The following TMEM132C variants were observed in gnomAD, a reference collection of about 807,000 sequenced individuals.
TMEM132C encodes the protein transmembrane protein 132C.
In TMEM132C, 29 loss-of-function variants were observed where a neutral mutation model predicts 61.4. That is an observed-to-expected ratio of 0.47 (90% CI 0.35 to 0.64). The LOEUF is 0.64. Among genes scored for constraint, TMEM132C ranks in the 30% least tolerant of loss-of-function variants. TMEM132C has a pLI of 0.00. For missense variants in TMEM132C, 1,408 were observed against 1,476.9 expected, an observed-to-expected ratio of 0.95 and a Z score of 0.76; for synonymous variants, 656 against 633.1, an observed-to-expected ratio of 1.04 and a Z score of -0.54.
At chr12:128,656,058 G>A (rs553660228) in intron 4 of TMEM132C, among the ~76,000 whole-genome samples, 24 of 152,146 alleles carry the variant, frequency 1.6e-4, no homozygotes, top group Non-Finnish European at 2.9e-4. Flanking sequence ...TTGTTTGTTT[G>A]TTTGTTTTTT....
At chr12:128,652,013 A>G (rs760999735) in intron 4 of TMEM132C, among the ~76,000 whole-genome samples, 19 of 152,148 alleles carry the variant, frequency 1.2e-4, no homozygotes, top group Admixed American at 3.9e-4. Flanking sequence ...CCATGTGACT[A>G]ATGCAGTTAG....
At chr12:128,576,078 A>C (rs1440099993) in intron 3 of TMEM132C, among the ~76,000 whole-genome samples, 9 of 152,038 alleles carry the variant, frequency 5.9e-5, no homozygotes, top group Non-Finnish European at 5.9e-5. Context: ...AACATGGTGA[A>C]CCCTCCTCTC....
chr12:128,545,885 G>A (rs1873934037), intron 3 of TMEM132C, among the ~76,000 whole-genome samples: 4 of 152,156 alleles, frequency 2.6e-5, no homozygotes, highest in Middle Eastern at 6.8e-3. Flanking sequence ...CTTGTATTCT[G>A]CCAGTGTATT....
chr12:128,340,801 T>TTCTTTC (rs1281917557), intron 1 of TMEM132C, among the ~76,000 whole-genome samples: 2 of 128,540 alleles, frequency 1.6e-5, no homozygotes, highest in African/African-American at 7.7e-5. Context: ...CTCTCTCTCT[T>TTCTTTC]TCTTTCTTTC....
At chr12:128,523,479 G>GA in intron 2 of TMEM132C, among the ~76,000 whole-genome samples, 1 of 152,168 alleles carries the variant, frequency 6.6e-6, no homozygotes, top group Non-Finnish European at 1.5e-5. Flanking sequence ...TCTTTGAGCT[G>GA]AAAAAATCTG....
intron 1 of TMEM132C, among the ~76,000 whole-genome samples, chr12:128,406,873 T>C (rs777211154): frequency 2.0e-5 from 3 of 152,240 alleles, no homozygotes; most frequent in Non-Finnish European, 4.4e-5. Flanking sequence ...CAGCCAGGCA[T>C]GAGTTTCAGC....
At chr12:128,487,450 C>A (rs1871537483) in intron 2 of TMEM132C, among the ~76,000 whole-genome samples, 1 of 128,536 alleles carries the variant, frequency 7.8e-6, no homozygotes, top group Admixed American at 8.9e-5. Flanking sequence ...TCAGTATAGT[C>A]TTTTATACAT....
chr12:128,433,064 C>T (rs2047550624), intron 2 of TMEM132C, among the ~76,000 whole-genome samples: 1 of 151,834 alleles, frequency 6.6e-6, no homozygotes, highest in Admixed American at 6.6e-5. Flanking sequence ...TTGTTAAAAG[C>T]TCAGTTGATC....
rs181023688 is a variant in TMEM132C at position 128,392,367 on chromosome 12, G to T, written c.86-22365G>T. ...TCAACTGCCTGCCTGGTTTGAAAGA[G>T]CTTATATTCCAGTTTCTCAAATAAC... On this transcript the variant is annotated intron_variant, in intron 1 of 8. Transcript: ENST00000435159. Among the ~76,000 whole-genome samples, 11 of 152,350 alleles carry T rather than the reference G, an allele frequency of 7.2e-5. No homozygotes were observed. In the East Asian group the frequency reaches 1.9e-3, roughly 27 times the overall value.
At position 128,312,438 on chromosome 12, in the gene TMEM132C, T is replaced by G. The variant is rs1872004000; in HGVS notation, c.85+44951T>G. Among the ~76,000 whole-genome samples the G allele has an allele frequency of 2.0e-5, 3 of 152,138 alleles. No homozygotes were observed. The South Asian group carries it at 6.2e-4, about 31-fold the overall frequency. On this transcript the variant is annotated intron_variant, in intron 1 of 8. Coordinates refer to ENST00000435159, the MANE Select transcript of TMEM132C (RefSeq NM_001136103.3). Reference sequence around the variant, plus strand: ...CTCCCACCTCAGCCTCCTGTGTAGCTGGGTCTACAACCGCCCACCAACACA... The same window carrying G: ...CTCCCACCTCAGCCTCCTGTGTAGCGGGGTCTACAACCGCCCACCAACACA...
At chr12:128,600,280 C>G (rs1876137177) in intron 3 of TMEM132C, among the ~76,000 whole-genome samples, 1 of 152,116 alleles carries the variant, frequency 6.6e-6, no homozygotes, top group Non-Finnish European at 1.5e-5. Flanking sequence ...CCGCACCGGG[C>G]CAAGACCTGA....
intron 3 of TMEM132C, among the ~76,000 whole-genome samples, chr12:128,614,430 G>C (rs1266591989): frequency 6.6e-6 from 1 of 152,004 alleles, no homozygotes; most frequent in Non-Finnish European, 1.5e-5. Context: ...ACAGTTTGCT[G>C]TCTCCTGCCC....
intron 5 of TMEM132C, among the ~76,000 whole-genome samples, chr12:128,683,776 G>T (rs1954653377): frequency 6.6e-6 from 1 of 152,110 alleles, no homozygotes; most frequent in Admixed American, 6.6e-5. Context: ...AGACCAGCCT[G>T]ATCAACATGG....
intron 8 of TMEM132C, among the ~76,000 whole-genome samples, chr12:128,701,905 T>TCC (rs1566019461): frequency 6.8e-6 from 1 of 147,452 alleles, no homozygotes; most frequent in East Asian, 2.0e-4. Flanking sequence ...TCTTCTTTTT[T>TCC]TTTTTTTTTT....
chr12:128,624,543 CAAAAAAAAA>C (rs752979852), intron 4 of TMEM132C, among the ~76,000 whole-genome samples: 1 of 32,900 alleles, frequency 3.0e-5, no homozygotes, highest in Non-Finnish European at 6.3e-5. Flanking sequence ...GACTCCATCT[CAAAAAAAAA>C]AAAAAAAAAA....
At chr12:128,277,377 A>G (rs2135895612) in intron 1 of TMEM132C, among the ~76,000 whole-genome samples, 1 of 152,308 alleles carries the variant, frequency 6.6e-6, no homozygotes, top group Admixed American at 6.5e-5. Flanking sequence ...CATCATTATC[A>G]ACAGCACCTC....
rs1954054145 is a variant in TMEM132C at position 128,630,109 on chromosome 12, A to C, written c.1305+13774A>C. ...GTTTCAGGGGTCTTTGAACTTGAGC[A>C]GGGACAGCATGGCCTTGGGGACTTG... On this transcript the variant is annotated intron_variant, in intron 4 of 8. Transcript: ENST00000435159. The surrounding 1 kb of genome is among the most constrained non-coding windows in gnomAD (Gnocchi z 4.3). Among the ~76,000 whole-genome samples the C allele has an allele frequency of 6.6e-6, 1 of 152,142 alleles. No homozygotes were observed. The highest frequency in any genetic ancestry group is 1.5e-5 in the Non-Finnish European group (1 of 68,020).
At chr12:128,408,780 G>A (rs1422776133) in intron 1 of TMEM132C, among the ~76,000 whole-genome samples, 1 of 152,178 alleles carries the variant, frequency 6.6e-6, no homozygotes, top group African/African-American at 2.4e-5. Flanking sequence ...TCTGGGCTGA[G>A]AACAGGAGAG....
At chr12:128,405,514 T>C (rs1875311436) in intron 1 of TMEM132C, among the ~76,000 whole-genome samples, 1 of 152,206 alleles carries the variant, frequency 6.6e-6, no homozygotes, top group East Asian at 1.9e-4. Context: ...TGAGTCTATC[T>C]AAGAGAAAAT....
Sources: allele counts gnomAD v4.1 joint callset (sites outside exome capture counted in the v4.1 genomes callset), GRCh38; gene constraint gnomAD v4.1.1; non-coding constraint Gnocchi (gnomAD v3.1); transcripts MANE v1.5; gene names NCBI Gene and HGNC (gene_info 2026-07-23, HGNC 2026-07-21).